Variants in PCDH9 observed in about 807,000 individuals in gnomAD.
PCDH9 encodes protocadherin 9.
In PCDH9, 24 loss-of-function variants were observed where a neutral mutation model predicts 70.6. The ratio of observed to expected loss-of-function variants is 0.34; its 90% CI spans 0.25 to 0.48. The LOEUF (loss-of-function observed/expected upper bound fraction) is 0.48. PCDH9 is among the 20% of genes least tolerant of loss of function. PCDH9 has a pLI of 0.99. For synonymous variants in PCDH9, 562 were observed against 558.5 expected, an observed-to-expected ratio of 1.01 and a Z score of -0.09; for missense variants, 1,281 against 1,503.6, an observed-to-expected ratio of 0.85 and a Z score of 2.45.
chr13:66,747,976 A>C (rs1216368483), intron 3 of PCDH9, among the ~76,000 whole-genome samples: 2 of 152,356 alleles, frequency 1.3e-5, no homozygotes, highest in East Asian at 3.9e-4. Flanking sequence ...ATAGTGTGGT[A>C]TAGCCAATTA....
At chr13:67,044,707 A>G (rs1479041609) in intron 2 of PCDH9, among the ~76,000 whole-genome samples, 1 of 152,180 alleles carries the variant, frequency 6.6e-6, no homozygotes, top group Admixed American at 6.6e-5. Context: ...CTGTGATTAA[A>G]TCTTACTGAA....
chr13:66,733,914 T>C (rs969674791), intron 3 of PCDH9, among the ~76,000 whole-genome samples: 1 of 152,162 alleles, frequency 6.6e-6, no homozygotes, highest in Non-Finnish European at 1.5e-5. Context: ...ACTATATATC[T>C]GTGCAGTAGG....
At chr13:67,131,782 G>A (rs186639621) in intron 2 of PCDH9, among the ~76,000 whole-genome samples, 5 of 152,062 alleles carry the variant, frequency 3.3e-5, no homozygotes, top group Admixed American at 6.5e-5. Flanking sequence ...AATTACAATC[G>A]GCAGCACATC....
chr13:66,737,315 T>A (rs2079166660), intron 3 of PCDH9, among the ~76,000 whole-genome samples: 1 of 152,198 alleles, frequency 6.6e-6, no homozygotes, highest in African/African-American at 2.4e-5. Flanking sequence ...CTTGTGCAGT[T>A]TTTCAGCCCT....
intron 3 of PCDH9, among the ~76,000 whole-genome samples, chr13:66,684,752 G>C (rs562000655): frequency 1.3e-5 from 2 of 152,218 alleles, no homozygotes; most frequent in East Asian, 3.9e-4. Context: ...GACTAATACA[G>C]TAAATTGGTA....
intron 2 of PCDH9, among the ~76,000 whole-genome samples, chr13:66,989,920 T>A (rs2083967871): frequency 1.3e-5 from 2 of 151,852 alleles, no homozygotes; most frequent in South Asian, 4.1e-4. Flanking sequence ...GCTAAGTGCC[T>A]AGGCCATTTT....
intron 4 of PCDH9, among the ~76,000 whole-genome samples, chr13:66,572,694 G>A (rs1466748461): frequency 6.6e-6 from 1 of 152,012 alleles, no homozygotes; most frequent in African/African-American, 2.4e-5. Flanking sequence ...TCTTTTCTAC[G>A]CATTGATCTC....
At chr13:66,358,895 A>G (rs994054483) in intron 4 of PCDH9, among the ~76,000 whole-genome samples, 4 of 151,882 alleles carry the variant, frequency 2.6e-5, no homozygotes, top group African/African-American at 9.7e-5. Flanking sequence ...ACCAACTTTG[A>G]TTTTTTCACA....
chr13:67,171,143 T>A (rs2088274298), intron 2 of PCDH9, among the ~76,000 whole-genome samples: 1 of 152,110 alleles, frequency 6.6e-6, no homozygotes, highest in Admixed American at 6.5e-5. Context: ...CATTAAGAGA[T>A]TTCTGTCATT....
intron 2 of PCDH9, among the ~76,000 whole-genome samples, chr13:67,024,899 A>G (rs1037643382): frequency 4.6e-5 from 7 of 152,152 alleles, no homozygotes; most frequent in Admixed American, 2.6e-4. Context: ...TGAAGGAGTG[A>G]CGTTCTGAAC....
intron 3 of PCDH9, among the ~76,000 whole-genome samples, chr13:66,866,256 G>A (rs1056529187): frequency 1.3e-5 from 2 of 152,086 alleles, no homozygotes; most frequent in African/African-American, 2.4e-5. Context: ...GCCGAGGTGG[G>A]CTGATCACGA....
intron 3 of PCDH9, among the ~76,000 whole-genome samples, chr13:66,654,285 T>A (rs1490272118): frequency 2.6e-5 from 4 of 152,040 alleles, no homozygotes; most frequent in African/African-American, 9.7e-5. Context: ...CTCATGGAGA[T>A]AGAGCGTAGA....
At chr13:66,581,804 C>A (rs1256222975) in intron 4 of PCDH9, among the ~76,000 whole-genome samples, 1 of 150,810 alleles carries the variant, frequency 6.6e-6, no homozygotes, top group Non-Finnish European at 1.5e-5. Context: ...CAATTGCCTA[C>A]CACTGGAAGC....
At chr13:66,645,691 T>C (rs2077762071) in intron 3 of PCDH9, among the ~76,000 whole-genome samples, 1 of 152,186 alleles carries the variant, frequency 6.6e-6, no homozygotes, top group African/African-American at 2.4e-5. Flanking sequence ...AGCTCTTTAG[T>C]CAGCTATTCA....
intron 4 of PCDH9, among the ~76,000 whole-genome samples, chr13:66,562,683 G>A (rs1361531548): frequency 6.6e-6 from 1 of 152,112 alleles, no homozygotes; most frequent in East Asian, 1.9e-4. Flanking sequence ...GATACATGAG[G>A]ATTAGGGGAG....
rs180683260 is a variant in PCDH9 at position 67,190,915 on chromosome 13, C to T, written c.3036+34490G>A. Among the ~76,000 whole-genome samples, 465 of 152,094 alleles carry T rather than the reference C, an allele frequency of 3.1e-3. 1 individual carries two copies. The highest frequency in any genetic ancestry group is 0.011 in the African/African-American group (455 of 41,530). Reference sequence around the variant, plus strand: ...CATTTGACCTTCTTATTGATAAGTACACAATGGGAAAATAGTCAAATTGTT... The same window carrying T: ...CATTTGACCTTCTTATTGATAAGTATACAATGGGAAAATAGTCAAATTGTT... On this transcript the variant is annotated intron_variant, in intron 2 of 4. Coordinates refer to ENST00000377865, the MANE Select transcript of PCDH9 (RefSeq NM_203487.3).
intron 3 of PCDH9, among the ~76,000 whole-genome samples, chr13:66,829,168 C>A (rs1354380580): frequency 6.6e-6 from 1 of 152,034 alleles, no homozygotes; most frequent in Admixed American, 6.6e-5. Context: ...CAGGCATGTG[C>A]CACCATGCCC....
intron 4 of PCDH9, among the ~76,000 whole-genome samples, chr13:66,327,241 T>C (rs2138106235): frequency 6.6e-6 from 1 of 152,182 alleles, no homozygotes; most frequent in East Asian, 1.9e-4. Context: ...AGTTTTGATA[T>C]CAGGGATCTT....
chr13:66,613,563 T>A (rs905875874), intron 4 of PCDH9, among the ~76,000 whole-genome samples: 2 of 152,170 alleles, frequency 1.3e-5, no homozygotes, highest in Admixed American at 6.5e-5. Flanking sequence ...CAAGCCTCCA[T>A]CTTGCTTTAC....
Sources: gnomAD v4.1 joint callset for allele counts (sites outside exome capture counted in the v4.1 genomes callset) on GRCh38, gnomAD v4.1.1 for gene constraint, MANE v1.5 for transcripts, NCBI Gene and HGNC (gene_info 2026-07-23, HGNC 2026-07-21) for gene names.